The following RBFOX1 variants were observed in gnomAD, a reference collection of about 807,000 sequenced individuals.
RBFOX1 encodes RNA binding fox-1 homolog 1, also known as RNA binding protein fox-1 homolog 1.
In RBFOX1, 8 loss-of-function variants were observed where a neutral mutation model predicts 57.7. The ratio of observed to expected loss-of-function variants is 0.14; its 90% CI spans 0.08 to 0.25. The LOEUF (loss-of-function observed/expected upper bound fraction) is 0.25. RBFOX1 is among the 10% of genes least tolerant of loss of function. The probability of loss-of-function intolerance (pLI) is 1.00; values close to 1 mark genes in which losing one functional copy is unlikely to be tolerated. For missense variants in RBFOX1, 611 were observed against 548.5 expected (o/e 1.11, Z -1.14); for synonymous variants, 326 against 222.4 (o/e 1.47, Z -4.15).
intron 4 of RBFOX1, among the ~76,000 whole-genome samples, chr16:7,160,206 T>TA (rs1380186119): frequency 6.6e-6 from 1 of 151,962 alleles, no homozygotes; most frequent in East Asian, 1.9e-4. Context: ...TTTTTTTTTT[T>TA]AATAAAGTAC....
rs1254671667 is a variant in RBFOX1 at position 6,741,562 on chromosome 16, G to A, written c.-16+86912G>A. Among the ~76,000 whole-genome samples, 6 of 151,846 alleles carry A rather than the reference G, an allele frequency of 4.0e-5. 1 individual carries two copies. In the South Asian group the frequency reaches 1.2e-3, roughly 32 times the overall value. On this transcript the variant is annotated intron_variant, in intron 3 of 15. Transcript: ENST00000550418. ...TGCGCACCTGTAATCCCAGCTACTTGGGAGGCTGAGGTAGGAGAATCGCTT... is the reference window on the plus strand; with the variant it reads ...TGCGCACCTGTAATCCCAGCTACTTAGGAGGCTGAGGTAGGAGAATCGCTT...
intron 4 of RBFOX1, among the ~76,000 whole-genome samples, chr16:7,422,218 C>T (rs952487617): frequency 1.3e-5 from 2 of 152,106 alleles, no homozygotes; most frequent in African/African-American, 4.8e-5. Context: ...ACTGCCTCTC[C>T]CACCAGTAGG....
chr16:6,620,985 C>T (rs992830577), intron 2 of RBFOX1, among the ~76,000 whole-genome samples: 5 of 152,196 alleles, frequency 3.3e-5, no homozygotes, highest in African/African-American at 7.2e-5. Context: ...AGGATGTCAG[C>T]AGGGTTGATT....
chr16:6,568,310 C>T (rs1184572220), intron 2 of RBFOX1, among the ~76,000 whole-genome samples: 4 of 152,188 alleles, frequency 2.6e-5, no homozygotes, highest in South Asian at 2.1e-4. Flanking sequence ...CTTCTAGACT[C>T]ACTCATATGG....
chr16:7,042,658 G>A (rs1333669659), intron 3 of RBFOX1, among the ~76,000 whole-genome samples: 1 of 152,238 alleles, frequency 6.6e-6, no homozygotes. Context: ...AGGTGCAGTG[G>A]CTTGCGCCTG....
chr16:6,483,648 C>A, intron 2 of RBFOX1: 6 of 1,426,728 alleles, frequency 4.2e-6, no homozygotes, highest in South Asian at 2.9e-5. Flanking sequence ...GCAGAGGCTT[C>A]CTGAAGCCCA....
In RBFOX1 at chr16:6,495,528, T is replaced by C. The variant is rs566661770; in HGVS notation, c.-63-159075T>C. Among the ~76,000 whole-genome samples the C allele has an allele frequency of 6.6e-5, 10 of 152,330 alleles. No homozygotes were observed. The South Asian group carries it at 8.3e-4, about 13-fold the overall frequency. Reference sequence around the variant, plus strand: ...GTAATATTCATTTAGAGTAAACATCTATTGATATCACCCTGAAAAGAAATA... The same window carrying C: ...GTAATATTCATTTAGAGTAAACATCCATTGATATCACCCTGAAAAGAAATA... On this transcript the variant is annotated intron_variant, in intron 2 of 15. Transcript: ENST00000550418.
chr16:5,480,332 C>T (rs1280054283), intron 2 of RBFOX1, among the ~76,000 whole-genome samples: 2 of 151,960 alleles, frequency 1.3e-5, no homozygotes, highest in Non-Finnish European at 2.9e-5. Context: ...ACATGTACTA[C>T]ACATCCATAA....
chr16:7,330,090 C>T (rs907484432), intron 4 of RBFOX1, among the ~76,000 whole-genome samples: 4 of 151,960 alleles, frequency 2.6e-5, no homozygotes, highest in Non-Finnish European at 5.9e-5. Context: ...ATGATATATC[C>T]AATTTGTCAT....
chr16:6,620,496 C>G (rs1242630199), intron 2 of RBFOX1, among the ~76,000 whole-genome samples: 1 of 151,948 alleles, frequency 6.6e-6, no homozygotes, highest in Non-Finnish European at 1.5e-5. Flanking sequence ...TAACCAAAAT[C>G]GGAGCTGAAC....
chr16:5,963,198 C>G (rs574039823), intron 4 of RBFOX1, among the ~76,000 whole-genome samples: 18 of 152,286 alleles, frequency 1.2e-4, no homozygotes, highest in African/African-American at 4.3e-4. Flanking sequence ...TTAGGTAATG[C>G]TGCTGTATCA....
chr16:6,881,677 C>T (rs895943157), intron 3 of RBFOX1, among the ~76,000 whole-genome samples: 1 of 152,144 alleles, frequency 6.6e-6, no homozygotes, highest in African/African-American at 2.4e-5. Context: ...TAGATGTTGG[C>T]AGTTAAGACT....
rs181325331 is a variant in RBFOX1 at position 6,433,127 on chromosome 16, G to T, written c.-64+116070G>T. Among the ~76,000 whole-genome samples, 3 of 152,352 alleles carry T rather than the reference G, an allele frequency of 2.0e-5. No homozygotes were observed. The East Asian group carries it at 5.8e-4, about 29-fold the overall frequency. On this transcript the variant is annotated intron_variant, in intron 2 of 15. Transcript: ENST00000550418. The stretch of plus-strand genomic sequence containing the variant: ...AGCTCAGATGGAAGCCATTGCAGCA[G>T]TTCAGGTGGGAGTTGATGCTGCCTT...
intron 4 of RBFOX1, among the ~76,000 whole-genome samples, chr16:7,151,937 A>G (rs1165289717): frequency 6.6e-6 from 1 of 152,192 alleles, no homozygotes; most frequent in Non-Finnish European, 1.5e-5. Context: ...GGCTGTAAAT[A>G]TAGATGAAGC....
chr16:6,661,459 A>T (rs1603221689), intron 3 of RBFOX1, among the ~76,000 whole-genome samples: 1 of 152,176 alleles, frequency 6.6e-6, no homozygotes, highest in Non-Finnish European at 1.5e-5. Flanking sequence ...TTATGGAGGG[A>T]ATAGTTTATC....
intron 3 of RBFOX1, among the ~76,000 whole-genome samples, chr16:6,919,610 C>G (rs776305141): frequency 6.6e-6 from 1 of 151,910 alleles, no homozygotes; most frequent in Non-Finnish European, 1.5e-5. Flanking sequence ...CTGGTATCTT[C>G]GAACAAGTAT....
chr16:6,641,778 A>AAAG lies in RBFOX1; in HGVS notation c.-63-12825_-63-12824insAAG, dbSNP rs1568006199. Among the ~76,000 whole-genome samples, 207 of 31,780 alleles carry AAAG rather than the reference A, an allele frequency of 6.5e-3. 17 individuals are homozygous for AAAG. Among genetic ancestry groups the AAAG allele is most frequent in the Non-Finnish European group, 7.9e-3 (136 of 17,142 alleles). 20.8% of individuals were successfully genotyped at this position (31,780 alleles called of 152,430 possible). The stretch of plus-strand genomic sequence containing the variant: ...AAAAAAAAAAAAAAAAAAAAAAAAA[A>AAAG]TAGGTTCTGCCCTGAGCCTTTCAGG... On this transcript the variant is annotated intron_variant, in intron 2 of 15. Coordinates refer to ENST00000550418, the MANE Select transcript of RBFOX1 (RefSeq NM_018723.4).
intron 1 of RBFOX1, among the ~76,000 whole-genome samples, chr16:5,353,817 G>A (rs748608862): frequency 3.9e-5 from 6 of 152,052 alleles, no homozygotes; most frequent in Middle Eastern, 6.8e-3. Flanking sequence ...GCTCGCATCC[G>A]GTCTCCTGTG....
chr16:7,341,404 T>C (rs2096887859), intron 4 of RBFOX1, among the ~76,000 whole-genome samples: 1 of 152,164 alleles, frequency 6.6e-6, no homozygotes, highest in Admixed American at 6.5e-5. Flanking sequence ...TTCGTGACTG[T>C]TGTCTTGCAA....
Sources: allele counts gnomAD v4.1 joint callset (sites outside exome capture counted in the v4.1 genomes callset), GRCh38; gene constraint gnomAD v4.1.1; transcripts MANE v1.5; gene names NCBI Gene and HGNC (gene_info 2026-07-23, HGNC 2026-07-21).